The following RBFOX1 variants were observed in gnomAD, a reference collection of about 807,000 sequenced individuals.
RBFOX1 encodes RNA binding protein fox-1 homolog 1.
A neutral mutation model predicts 57.7 loss-of-function variants in RBFOX1; 8 were observed. The observed-to-expected ratio is 0.14, with a 90% CI of 0.08 to 0.25. The LOEUF (loss-of-function observed/expected upper bound fraction) is 0.25, where lower values mean the gene tolerates loss of function less well. Ranked by LOEUF, RBFOX1 falls within the 10% of genes least tolerant of loss-of-function variation. RBFOX1 has a pLI of 1.00. For synonymous variants in RBFOX1, 326 were observed against 222.4 expected (o/e 1.47, Z -4.15); for missense variants, 611 against 548.5 (o/e 1.11, Z -1.14).
intron 4 of RBFOX1, among the ~76,000 whole-genome samples, chr16:7,377,710 C>A (rs1172303724): frequency 2.0e-5 from 3 of 152,150 alleles, no homozygotes; most frequent in Non-Finnish European, 2.9e-5. Flanking sequence ...TATCTGGGAT[C>A]TAAGAACAAT....
intron 3 of RBFOX1, among the ~76,000 whole-genome samples, chr16:5,830,687 C>G (rs1294286218): frequency 2.0e-5 from 3 of 152,184 alleles, no homozygotes; most frequent in Admixed American, 6.5e-5. Flanking sequence ...TCAGTGTGTC[C>G]TCTCTGCATC....
At chr16:6,773,377 T>TGTGG (rs1403655275) in intron 3 of RBFOX1, among the ~76,000 whole-genome samples, 1 of 150,412 alleles carries the variant, frequency 6.6e-6, no homozygotes, top group Non-Finnish European at 1.5e-5. Context: ...TGTGTGTGTG[T>TGTGG]GTGGGCGTGG....
At chr16:7,348,581 T>A (rs9936914) in intron 4 of RBFOX1, among the ~76,000 whole-genome samples, 25,038 of 152,166 alleles carry the variant, frequency 0.16, 3,093 homozygotes, top group African/African-American at 0.36. Context: ...GACATTACTT[T>A]AGTCAGTTGG....
intron 3 of RBFOX1, among the ~76,000 whole-genome samples, chr16:7,002,890 C>T (rs116715866): frequency 6.6e-6 from 1 of 151,924 alleles, no homozygotes; most frequent in Admixed American, 6.6e-5. Context: ...TAAGATAAGG[C>T]TAGAAATCAG....
intron 4 of RBFOX1, among the ~76,000 whole-genome samples, chr16:5,919,456 C>T (rs574807621): frequency 3.2e-4 from 49 of 152,230 alleles, no homozygotes; most frequent in African/African-American, 1.1e-3. Context: ...GATTCTCCTG[C>T]CTCAGCCTCC....
chr16:6,631,734 G>T (rs943863657), intron 2 of RBFOX1, among the ~76,000 whole-genome samples: 1 of 152,178 alleles, frequency 6.6e-6, no homozygotes, highest in Admixed American at 6.5e-5. Flanking sequence ...TCACTGATGA[G>T]CTGGTGTCTG....
intron 14 of RBFOX1, among the ~76,000 whole-genome samples, chr16:7,684,027 T>A (rs1249715263): frequency 2.0e-5 from 3 of 152,138 alleles, no homozygotes; most frequent in African/African-American, 7.2e-5. Flanking sequence ...TCTTTCAAGA[T>A]AAGATGAAAT....
chr16:6,703,769 C>G (rs1435252005), intron 3 of RBFOX1: 1 of 152,214 alleles, frequency 6.6e-6, no homozygotes, highest in African/African-American at 2.4e-5. Context: ...AGACCAGCAA[C>G]TGAATCCACA....
At chr16:6,974,930 A>G (rs2086474693) in intron 3 of RBFOX1, among the ~76,000 whole-genome samples, 1 of 152,096 alleles carries the variant, frequency 6.6e-6, no homozygotes, top group Non-Finnish European at 1.5e-5. Context: ...TCCCTCTTTT[A>G]AAACACTTTT....
intron 3 of RBFOX1, among the ~76,000 whole-genome samples, chr16:5,840,789 A>G (rs1014580863): frequency 1.3e-5 from 2 of 152,098 alleles, no homozygotes; most frequent in Admixed American, 6.5e-5. Context: ...TGAGTTCCCT[A>G]TCATGGAAAA....
intron 2 of RBFOX1, among the ~76,000 whole-genome samples, chr16:6,457,446 C>T (rs199888827): frequency 7.6e-6 from 1 of 131,738 alleles, no homozygotes; most frequent in African/African-American, 2.8e-5. Flanking sequence ...AGTCCCCCCC[C>T]CCGCAATAGC....
intron 2 of RBFOX1, among the ~76,000 whole-genome samples, chr16:6,477,726 T>A (rs1158630669): frequency 6.6e-6 from 1 of 152,236 alleles, no homozygotes; most frequent in Non-Finnish European, 1.5e-5. Flanking sequence ...TGTTGACTTC[T>A]TTCTATGAAA....
intron 3 of RBFOX1, among the ~76,000 whole-genome samples, chr16:6,938,680 C>G (rs1182218194): frequency 6.6e-6 from 1 of 152,048 alleles, no homozygotes; most frequent in African/African-American, 2.4e-5. Context: ...AGAATTGGGG[C>G]TTTGCCATGT....
intron 3 of RBFOX1, among the ~76,000 whole-genome samples, chr16:7,030,199 T>C (rs1445093871): frequency 1.3e-5 from 2 of 152,162 alleles, no homozygotes; most frequent in Non-Finnish European, 2.9e-5. Flanking sequence ...TTTTTCTAAA[T>C]GGTTGGATCA....
At chr16:5,470,168 C>T (rs1288065516) in intron 2 of RBFOX1, among the ~76,000 whole-genome samples, 1 of 152,212 alleles carries the variant, frequency 6.6e-6, no homozygotes, top group Non-Finnish European at 1.5e-5. Flanking sequence ...CTCAAGCCTG[C>T]AAGGCTGGCC....
intron 1 of RBFOX1, among the ~76,000 whole-genome samples, chr16:5,317,863 CTATT>C (rs1156457266): frequency 2.6e-5 from 4 of 152,150 alleles, no homozygotes; most frequent in Non-Finnish European, 4.4e-5. Context: ...ACAGCTACCA[CTATT>C]TATTTACAAA....
intron 1 of RBFOX1, among the ~76,000 whole-genome samples, chr16:5,451,744 A>G (rs2068431383): frequency 6.6e-6 from 1 of 152,110 alleles, no homozygotes; most frequent in South Asian, 2.1e-4. Context: ...CCACATACGG[A>G]TACCTCTCAG....
At chr16:6,398,015 G>A (rs190761921) in intron 2 of RBFOX1, among the ~76,000 whole-genome samples, 3 of 152,228 alleles carry the variant, frequency 2.0e-5, no homozygotes, top group Admixed American at 2.0e-4. Context: ...AAATTAAAGA[G>A]CAAACCATAA....
At chr16:7,320,752 C>G (rs1239758587) in intron 4 of RBFOX1, among the ~76,000 whole-genome samples, 1 of 152,222 alleles carries the variant, frequency 6.6e-6, no homozygotes, top group Non-Finnish European at 1.5e-5. Flanking sequence ...GAATAAAGCT[C>G]AAACACTTAC....
Sources: gnomAD v4.1 joint callset for allele counts (sites outside exome capture counted in the v4.1 genomes callset) on GRCh38, gnomAD v4.1.1 for gene constraint, MANE v1.5 for transcripts, NCBI Gene and HGNC (gene_info 2026-07-23, HGNC 2026-07-21) for gene names.